MYT1L: variants seen among roughly 807,000 people sequenced by gnomAD.
The protein encoded by MYT1L is myelin transcription factor 1 like, also known as myelin transcription factor 1-like protein.
A neutral mutation model predicts 126.7 loss-of-function variants in MYT1L; 12 were observed. The observed-to-expected ratio is 0.09, with a 90% CI of 0.06 to 0.15. The LOEUF is 0.15. MYT1L is among the 10% of genes least tolerant of loss of function. MYT1L has a pLI of 1.00. For synonymous variants in MYT1L, 541 were observed against 604.2 expected (o/e 0.90, Z 1.53); for missense variants, 979 against 1,585.2 (o/e 0.62, Z 6.49).
chr2:2,182,394 G>T (rs2091635916), intron 2 of MYT1L, among the ~76,000 whole-genome samples: 1 of 152,186 alleles, frequency 6.6e-6, no homozygotes, highest in African/African-American at 2.4e-5. Flanking sequence ...GATATTTTGA[G>T]TCACTATTGA....
chr2:2,088,319 C>T (rs2076561098), intron 3 of MYT1L, among the ~76,000 whole-genome samples: 1 of 152,204 alleles, frequency 6.6e-6, no homozygotes, highest in Admixed American at 6.5e-5. Flanking sequence ...GAGCCCTTCT[C>T]CTCCATGGAA....
intron 4 of MYT1L, among the ~76,000 whole-genome samples, chr2:2,033,135 G>A (rs1181204563): frequency 1.7e-5 from 2 of 121,102 alleles, no homozygotes; most frequent in East Asian, 2.7e-4. Flanking sequence ...CACACCCCTC[G>A]CCCGTGCCTC....
chr2:1,808,277 G>A (rs1391324215), intron 22 of MYT1L, among the ~76,000 whole-genome samples: 1 of 152,146 alleles, frequency 6.6e-6, no homozygotes, highest in Non-Finnish European at 1.5e-5. Flanking sequence ...CCAGCCAACA[G>A]TCACAACCAT....
chr2:1,972,449 A>G (rs1042130068), intron 8 of MYT1L, among the ~76,000 whole-genome samples: 5 of 152,054 alleles, frequency 3.3e-5, no homozygotes, highest in Admixed American at 2.6e-4. Flanking sequence ...AGGAACTCCT[A>G]TTTTTCTCTC....
intron 2 of MYT1L, among the ~76,000 whole-genome samples, chr2:2,273,900 A>G (rs2095312103): frequency 6.6e-6 from 1 of 152,184 alleles, no homozygotes; most frequent in Admixed American, 6.5e-5. Flanking sequence ...TCTTCTTGGT[A>G]TTTTTAAATA....
chr2:2,325,016 G>A (rs1255520293), intron 1 of MYT1L: 1 of 152,444 alleles, frequency 6.6e-6, no homozygotes, highest in African/African-American at 2.4e-5. Context: ...TGTATCATGA[G>A]CAGTGCTGTA....
At chr2:2,204,115 A>G (rs1049221411) in intron 2 of MYT1L, among the ~76,000 whole-genome samples, 1 of 152,204 alleles carries the variant, frequency 6.6e-6, no homozygotes, top group Non-Finnish European at 1.5e-5. Flanking sequence ...TTAATTCAAG[A>G]TGGATTAAAT....
chr2:2,139,035 A>G (rs1041245030), intron 3 of MYT1L, among the ~76,000 whole-genome samples: 1 of 151,838 alleles, frequency 6.6e-6, no homozygotes. Flanking sequence ...CTTGGATTCT[A>G]GCAGGGAGAT....
chr2:1,851,700 G>A lies in MYT1L; in HGVS notation c.2715C>T (p.Cys905=). The change falls in exon 19 of 25, where the codon TGC becomes TGT. Residue 905 remains cysteine, a synonymous_variant. Coordinates refer to ENST00000647738, the MANE Select transcript of MYT1L (RefSeq NM_001303052.2). ...CAGAACCATCACAGCCAGGCGTGGGGCACCTACAATAAAAAATGCAAATTG... is the reference window on the plus strand; with the variant it reads ...CAGAACCATCACAGCCAGGCGTGGGACACCTACAATAAAAAATGCAAATTG... ...MLATSSQELK[C]PTPGCDGSGH... The A allele has an allele frequency of 6.2e-7, 1 of 1,613,598 alleles. No homozygotes were observed. The highest frequency in any genetic ancestry group is 8.5e-7 in the Non-Finnish European group (1 of 1,179,622).
At chr2:2,245,703 C>A (rs971576232) in intron 2 of MYT1L, among the ~76,000 whole-genome samples, 1 of 152,058 alleles carries the variant, frequency 6.6e-6, no homozygotes, top group Non-Finnish European at 1.5e-5. Context: ...CTACAGGGCT[C>A]AGCACCATCC....
chr2:1,830,101 T>C (rs34019968), intron 21 of MYT1L, among the ~76,000 whole-genome samples: 67,432 of 151,892 alleles, frequency 0.44, 16,872 homozygotes, highest in African/African-American at 0.68. Flanking sequence ...TAGTATCGGG[T>C]AGAAAGAGAA....
intron 8 of MYT1L, among the ~76,000 whole-genome samples, chr2:1,972,050 G>T (rs1318121824): frequency 6.6e-6 from 1 of 152,186 alleles, no homozygotes; most frequent in Non-Finnish European, 1.5e-5. Context: ...TACGGGGAGG[G>T]TGTGGGGGTG....
chr2:2,194,737 T>A (rs12474706), intron 2 of MYT1L, among the ~76,000 whole-genome samples: 26,367 of 152,080 alleles, frequency 0.17, 2,464 homozygotes, highest in African/African-American at 0.26. Context: ...CCAACAACTC[T>A]AAAGCCAAGA....
chr2:2,207,575 C>T (rs1267425811), intron 2 of MYT1L, among the ~76,000 whole-genome samples: 3 of 152,140 alleles, frequency 2.0e-5, no homozygotes, highest in Admixed American at 2.0e-4. Context: ...CAGAATGGGG[C>T]AAGGCTGTCT....
intron 4 of MYT1L, among the ~76,000 whole-genome samples, chr2:2,045,526 C>G (rs72767354): frequency 0.042 from 6,406 of 152,290 alleles, 206 homozygotes; most frequent in Non-Finnish European, 0.065. Flanking sequence ...AATGAATAAC[C>G]TCATAGCCTG....
intron 1 of MYT1L, among the ~76,000 whole-genome samples, chr2:2,323,321 G>GA (rs564325833): frequency 6.6e-6 from 1 of 151,850 alleles, no homozygotes; most frequent in South Asian, 2.1e-4. Flanking sequence ...CAACTCTTTA[G>GA]AAAAAAAGCT....
intron 3 of MYT1L, among the ~76,000 whole-genome samples, chr2:2,102,642 G>A (rs929604239): frequency 2.1e-5 from 3 of 146,012 alleles, no homozygotes; most frequent in African/African-American, 5.1e-5. Flanking sequence ...GTGTGTGTGT[G>A]TATAAAGTTA....
chr2:1,942,193 AC>A (rs1293768957), intron 9 of MYT1L, among the ~76,000 whole-genome samples: 1 of 152,114 alleles, frequency 6.6e-6, no homozygotes, highest in Admixed American at 6.6e-5. Context: ...AACAAACAAA[AC>A]CACAAAACTC....
chr2:2,085,575 G>A (rs745916960), intron 3 of MYT1L, among the ~76,000 whole-genome samples: 22 of 152,078 alleles, frequency 1.4e-4, no homozygotes, highest in Non-Finnish European at 2.8e-4. Context: ...TGTCACGGTT[G>A]TTTATGTTCC....
Sources: gnomAD v4.1 joint callset for allele counts (sites outside exome capture counted in the v4.1 genomes callset) on GRCh38, gnomAD v4.1.1 for gene constraint, MANE v1.5 for transcripts, NCBI Gene and HGNC (gene_info 2026-07-23, HGNC 2026-07-21) for gene names.